PTPRQ: variants seen among roughly 807,000 people sequenced by gnomAD.
PTPRQ encodes the protein phosphatidylinositol phosphatase PTPRQ.
Under a neutral mutation model 246.0 loss-of-function variants are expected in PTPRQ, and 199 were observed. The observed-to-expected ratio is 0.81, with a 90% CI of 0.72 to 0.91. The LOEUF is 0.91. Ranked by LOEUF, PTPRQ falls within the 40% of genes least tolerant of loss-of-function variation. PTPRQ has a pLI of 0.00. For synonymous variants in PTPRQ, 869 were observed against 853.2 expected (o/e 1.02, Z -0.32); for missense variants, 2,624 against 2,528.4 (o/e 1.04, Z -0.81).
intron 4 of PTPRQ, among the ~76,000 whole-genome samples, 194 bp from the exon 5 acceptor site, chr12:80,459,090 A>C (rs1306190895): frequency 6.6e-6 from 1 of 152,120 alleles, no homozygotes; most frequent in Non-Finnish European, 1.5e-5. Flanking sequence ...AGTTATCCTA[A>C]AGTAAAGTTG....
In PTPRQ at chr12:80,445,643, C is replaced by A; in HGVS notation, c.316C>A (p.Gln106Lys). ...TCCGTGGATGCAAACAGTATATACACAAGTCAGATCAAAGCCAGACAGTCT... is the reference window on the plus strand; with the variant it reads ...TCCGTGGATGCAAACAGTATATACAAAAGTCAGATCAAAGCCAGACAGTCT... ...VCPWMQTVYT[Q>K]VRSKPDSLEV... Residue 106 changes from glutamine (Q) to lysine (K), a missense_variant, in exon 3 of 45, where the codon CAA becomes AAA. Transcript: ENST00000644991. 1 of 1,549,944 alleles carries A rather than the reference C, an allele frequency of 6.5e-7. No individual in the cohort carries two copies. Among genetic ancestry groups the A allele is most frequent in the Non-Finnish European group, 8.7e-7 (1 of 1,145,764 alleles).
Position 80,610,592 on chromosome 12 carries a change from AGT to A in PTPRQ, c.4887_4888del (p.Ala1630Ter), listed in dbSNP as rs868225421. The A allele has an allele frequency of 6.5e-7, 1 of 1,543,310 alleles. No individual in the cohort carries two copies. The highest frequency in any genetic ancestry group is 1.4e-5 in the African/African-American group (1 of 72,396). ...TGCTGCATATGTAGAAGGGAAGTCAAGTGCTGAAATGATTGTTACTACTTTAG... is the reference window on the plus strand; with the variant it reads ...TGCTGCATATGTAGAAGGGAAGTCAAGCTGAAATGATTGTTACTACTTTAG... ...ISAAYVEGKSSAEMIVTTLES... is the reference protein window; with the variant it reads ...ISAAYVEGKSXAEMIVTTLES... On this transcript the variant is annotated frameshift_variant, in exon 28 of 45. Coordinates refer to ENST00000644991, the MANE Select transcript of PTPRQ (RefSeq NM_001145026.2). LOFTEE classifies it high-confidence loss of function.
At chr12:80,476,776 T>G (rs922626314) in intron 8 of PTPRQ, among the ~76,000 whole-genome samples, 3 of 152,208 alleles carry the variant, frequency 2.0e-5, no homozygotes, top group African/African-American at 7.2e-5. Context: ...GGAAATTAAC[T>G]GAAAGTGTAA....
At chr12:80,466,537 C>T (rs1893422365) in intron 6 of PTPRQ, among the ~76,000 whole-genome samples, 1 of 152,148 alleles carries the variant, frequency 6.6e-6, no homozygotes, top group Non-Finnish European at 1.5e-5. Context: ...AAAAAGGAGC[C>T]CGCATTGCCA....
At chr12:80,554,645 G>T (rs2120892219) in intron 25 of PTPRQ, among the ~76,000 whole-genome samples, 1 of 152,226 alleles carries the variant, frequency 6.6e-6, no homozygotes, top group East Asian at 1.9e-4. Context: ...AAGATATCAG[G>T]CATATGCAGT....
Position 80,675,294 on chromosome 12 carries a change from A to ACTT in PTPRQ, c.6738+1991_6738+1993dup, listed in dbSNP as rs1339508200. Among the ~76,000 whole-genome samples the ACTT allele has an allele frequency of 2.6e-5, 4 of 152,188 alleles. No individual in the cohort carries two copies. The East Asian group carries it at 7.7e-4, about 29-fold the overall frequency. On this transcript the variant is annotated intron_variant, in intron 43 of 44. Transcript: ENST00000644991. ...CAGGAACTTTACATTTTGTAGTGGAACTTTACATTTTGCATTCTCTCTAAT... is the reference window on the plus strand; with the variant it reads ...CAGGAACTTTACATTTTGTAGTGGAACTTCTTTACATTTTGCATTCTCTCTAAT...
intron 25 of PTPRQ, among the ~76,000 whole-genome samples, chr12:80,568,194 A>T (rs549559272): frequency 6.6e-6 from 1 of 152,338 alleles, no homozygotes; most frequent in Admixed American, 6.5e-5. Flanking sequence ...TCAATTATAA[A>T]TGTATGTGAA....
chr12:80,457,469 T>A (rs1464138773), intron 3 of PTPRQ, 106 bp from the exon 4 acceptor site: 1 of 398,432 alleles, frequency 2.5e-6, no homozygotes, highest in African/African-American at 2.1e-5. Flanking sequence ...TAAAAAAGTA[T>A]CTTTGGCATT....
At chr12:80,605,572 T>C (rs79954208) in intron 27 of PTPRQ, among the ~76,000 whole-genome samples, 3 of 151,030 alleles carry the variant, frequency 2.0e-5, no homozygotes, top group African/African-American at 7.3e-5. Context: ...TAATTCATAA[T>C]ACAAAATGAG....
At chr12:80,641,113 T>G (rs761703525) in intron 35 of PTPRQ, among the ~76,000 whole-genome samples, 4 of 152,222 alleles carry the variant, frequency 2.6e-5, no homozygotes, top group Non-Finnish European at 5.9e-5. Context: ...GCATATTTCA[T>G]GGAAACGTTA....
intron 22 of PTPRQ, 82 bp downstream of exon 22, chr12:80,542,446 G>C: frequency 4.1e-6 from 6 of 1,469,614 alleles, no homozygotes; most frequent in Non-Finnish European, 5.4e-6. Flanking sequence ...CATGGAATAT[G>C]AAAGGATATC....
intron 26 of PTPRQ, among the ~76,000 whole-genome samples, chr12:80,591,820 A>G (rs1290689800): frequency 2.6e-5 from 4 of 152,184 alleles, no homozygotes; most frequent in African/African-American, 4.8e-5. Context: ...GCTGCCACTA[A>G]GAGTTCCTAT....
rs61729273 is a variant in PTPRQ at position 80,542,250 on chromosome 12, T to C, written c.3607T>C (p.Tyr1203His). 956 of 1,550,796 alleles carry C rather than the reference T, an allele frequency of 6.2e-4. 5 individuals carry two copies. In the African/African-American group the frequency reaches 0.01, roughly 16 times the overall value. Reference protein sequence around the residue: ...ENYSFITSDNYIILEELSPFT... With the variant: ...ENYSFITSDNHIILEELSPFT... ...TTATTCTTTCATTACTTCTGATAAT[T>C]ACATAATATTGGAAGAGCTTTCACC... is the stretch of plus-strand genomic sequence containing the variant. Residue 1203 changes from tyrosine (Y) to histidine (H), a missense_variant, in exon 22 of 45, where the codon TAC (tyrosine) becomes CAC (histidine). By Grantham distance (83) the Tyr-to-His change is moderately conservative. Transcript: ENST00000644991.
chr12:80,570,197 G>A (rs11831954), intron 25 of PTPRQ, among the ~76,000 whole-genome samples: 1,926 of 152,128 alleles, frequency 0.013, 46 homozygotes, highest in African/African-American at 0.044. Flanking sequence ...ACACTCCTAC[G>A]AACAGTATAA....
At chr12:80,642,119 A>G (rs886943538) in intron 35 of PTPRQ, among the ~76,000 whole-genome samples, 6 of 152,138 alleles carry the variant, frequency 3.9e-5, no homozygotes, top group Non-Finnish European at 7.3e-5. Context: ...GTTAGTCAGA[A>G]CCTTTATAGA....
chr12:80,518,979 A>C (rs1171741839), intron 17 of PTPRQ, among the ~76,000 whole-genome samples: 1 of 152,026 alleles, frequency 6.6e-6, no homozygotes, highest in African/African-American at 2.4e-5. Flanking sequence ...GTTCCATATA[A>C]ATTTTAGGAT....
At chr12:80,557,786 A>G (rs940946478) in intron 25 of PTPRQ, among the ~76,000 whole-genome samples, 10 of 152,156 alleles carry the variant, frequency 6.6e-5, no homozygotes, top group African/African-American at 2.4e-4. Flanking sequence ...CACAAATAGT[A>G]TATCAGATGG....
chr12:80,543,329 A>G (rs1011919061), intron 23 of PTPRQ, among the ~76,000 whole-genome samples: 25 of 87,702 alleles, frequency 2.9e-4, no homozygotes, highest in African/African-American at 9.6e-4. Flanking sequence ...CTTTTACGAT[A>G]TATCCTTATT....
chr12:80,465,829 T>A lies in PTPRQ; in HGVS notation c.911-2881T>A, dbSNP rs544261752. ...AACCCTCCATGCTAAAAACCCTCAA[T>A]AAATTAGGAATTGGTGGGACGTATC... On this transcript the variant is annotated intron_variant, in intron 6 of 44. Coordinates refer to ENST00000644991, the MANE Select transcript of PTPRQ (RefSeq NM_001145026.2). Among the ~76,000 whole-genome samples, 4 of 152,270 alleles carry A rather than the reference T, an allele frequency of 2.6e-5. No individual in the cohort carries two copies. The East Asian group carries it at 7.7e-4, about 29-fold the overall frequency.
Sources: gnomAD v4.1 joint callset for allele counts (sites outside exome capture counted in the v4.1 genomes callset) on GRCh38, gnomAD v4.1.1 for gene constraint, MANE v1.5 for transcripts, NCBI Gene and HGNC (gene_info 2026-07-23, HGNC 2026-07-21) for gene names.